TMTC2: variants seen among roughly 807,000 people sequenced by gnomAD.
TMTC2 encodes protein O-mannosyl-transferase TMTC2.
A neutral mutation model predicts 82.4 loss-of-function variants in TMTC2; 43 were observed. That is an observed-to-expected ratio of 0.52 (90% confidence interval 0.41 to 0.67). TMTC2 has a LOEUF of 0.67. Among genes scored for constraint, TMTC2 ranks in the 30% least tolerant of loss-of-function variants. The probability of loss-of-function intolerance (pLI) is 0.00; values close to 1 mark genes in which losing one functional copy is unlikely to be tolerated. For synonymous variants in TMTC2, 408 were observed against 381.9 expected, an observed-to-expected ratio of 1.07 and a Z score of -0.80; for missense variants, 919 against 1,012.4, an observed-to-expected ratio of 0.91 and a Z score of 1.25.
At chr12:83,107,921 G>A (rs1227266346) in intron 11 of TMTC2, among the ~76,000 whole-genome samples, 1 of 151,902 alleles carries the variant, frequency 6.6e-6, no homozygotes, top group Non-Finnish European at 1.5e-5. Context: ...GGTGGGAGGT[G>A]ACTGAATCAA....
chr12:82,988,450 T>C (rs1422984586), intron 8 of TMTC2, among the ~76,000 whole-genome samples: 1 of 152,078 alleles, frequency 6.6e-6, no homozygotes, highest in Non-Finnish European at 1.5e-5. Context: ...GTCTCTCCCC[T>C]TTGCCCACAA....
chr12:82,786,754 T>G (rs1878196381), intron 1 of TMTC2, among the ~76,000 whole-genome samples: 1 of 152,100 alleles, frequency 6.6e-6, no homozygotes, highest in African/African-American at 2.4e-5. Flanking sequence ...CCTTAGAGCT[T>G]TTAACAAGAG....
At chr12:82,891,403 G>C (rs375422424) in intron 2 of TMTC2, among the ~76,000 whole-genome samples, 1 of 152,114 alleles carries the variant, frequency 6.6e-6, no homozygotes, top group Non-Finnish European at 1.5e-5. Flanking sequence ...CCGCCTCCTG[G>C]GTTCAAGCGA....
chr12:83,061,521 T>A (rs1882739986), intron 10 of TMTC2, among the ~76,000 whole-genome samples: 1 of 151,772 alleles, frequency 6.6e-6, no homozygotes, highest in Non-Finnish European at 1.5e-5. Context: ...ACTTTTCTAA[T>A]TCCTAATATG....
chr12:82,716,586 TC>T (rs1206626142), intron 1 of TMTC2, among the ~76,000 whole-genome samples: 1 of 152,116 alleles, frequency 6.6e-6, no homozygotes, highest in African/African-American at 2.4e-5. Context: ...ATGGTCTCGA[TC>T]TCCTGACCTT....
chr12:82,729,504 A>T (rs910843237), intron 1 of TMTC2, among the ~76,000 whole-genome samples: 2 of 152,144 alleles, frequency 1.3e-5, no homozygotes, highest in Non-Finnish European at 2.9e-5. Context: ...GTATGTAGCT[A>T]ATCTAGTGGG....
At chr12:82,844,938 C>T (rs1221866383) in intron 1 of TMTC2, among the ~76,000 whole-genome samples, 1 of 150,668 alleles carries the variant, frequency 6.6e-6, no homozygotes, top group Non-Finnish European at 1.5e-5. Flanking sequence ...TATAGAAAAA[C>T]TGTAAGGGGC....
chr12:82,782,035 C>G (rs1877936981), intron 1 of TMTC2, among the ~76,000 whole-genome samples: 1 of 152,048 alleles, frequency 6.6e-6, no homozygotes, highest in South Asian at 2.1e-4. Context: ...AGAGAAAAGC[C>G]TCTTCACACT....
At chr12:82,819,211 C>G (rs1006341862) in intron 1 of TMTC2, among the ~76,000 whole-genome samples, 2 of 152,010 alleles carry the variant, frequency 1.3e-5, no homozygotes, top group Non-Finnish European at 1.5e-5. Flanking sequence ...ACTATTAGGA[C>G]ACAATTTCTG....
At chr12:82,698,816 C>T (rs1437604953) in intron 1 of TMTC2, among the ~76,000 whole-genome samples, 1 of 152,050 alleles carries the variant, frequency 6.6e-6, no homozygotes, top group Non-Finnish European at 1.5e-5. Context: ...CACTGTGATA[C>T]CTCGTCAATT....
In TMTC2 at chr12:82,856,327, T is replaced by A. The variant is rs184051040; in HGVS notation, c.84-683T>A. 6.2e-4 allele frequency among the ~76,000 whole-genome samples: 94 copies of A among 152,250 alleles called. 1 individual carries two copies. The highest frequency in any genetic ancestry group is 1.0e-4 in the Non-Finnish European group (7 of 68,016). On this transcript the variant is annotated intron_variant, in intron 1 of 11. Transcript: ENST00000321196. Reference sequence around the variant, plus strand: ...GCTAAGAAGTGGGAAAGGCTGAAGTTTATTAGAATGCAGTAGGAAGGGAAA... The same window carrying A: ...GCTAAGAAGTGGGAAAGGCTGAAGTATATTAGAATGCAGTAGGAAGGGAAA...
At chr12:82,835,539 A>T (rs1232320024) in intron 1 of TMTC2, among the ~76,000 whole-genome samples, 1 of 152,180 alleles carries the variant, frequency 6.6e-6, no homozygotes, top group Non-Finnish European at 1.5e-5. Context: ...TCAGTTGGTC[A>T]TTTAATTCTT....
chr12:82,893,877 A>G (rs1873524724), intron 2 of TMTC2, among the ~76,000 whole-genome samples: 1 of 152,218 alleles, frequency 6.6e-6, no homozygotes, highest in African/African-American at 2.4e-5. Flanking sequence ...TAAGAAGGAC[A>G]GGGTCACCAG....
chr12:83,007,136 G>A (rs777069325), intron 8 of TMTC2, among the ~76,000 whole-genome samples: 10 of 150,568 alleles, frequency 6.6e-5, no homozygotes, highest in South Asian at 6.3e-4. Context: ...AAAAAAATTC[G>A]AACTCTCAGT....
At chr12:82,721,853 G>A (rs1015570480) in intron 1 of TMTC2, among the ~76,000 whole-genome samples, 1 of 152,118 alleles carries the variant, frequency 6.6e-6, no homozygotes, top group Non-Finnish European at 1.5e-5. Context: ...GCCTCTTCAT[G>A]AGTACTATGT....
intron 1 of TMTC2, among the ~76,000 whole-genome samples, chr12:82,780,883 G>A (rs929826504): frequency 1.3e-5 from 2 of 151,866 alleles, no homozygotes; most frequent in Non-Finnish European, 1.5e-5. Flanking sequence ...GTGTGGTGTG[G>A]AAGAGGTTTT....
intron 11 of TMTC2, among the ~76,000 whole-genome samples, chr12:83,068,674 T>C (rs972876505): frequency 1.3e-5 from 2 of 152,198 alleles, no homozygotes; most frequent in African/African-American, 4.8e-5. Context: ...ACTGGTTTTT[T>C]CAGTTACAAA....
intron 1 of TMTC2, among the ~76,000 whole-genome samples, chr12:82,834,518 G>A (rs1869923895): frequency 6.6e-6 from 1 of 152,196 alleles, no homozygotes; most frequent in Non-Finnish European, 1.5e-5. Context: ...CTTACCTAAT[G>A]ATAGGCAATG....
At chr12:82,894,941 A>G (rs886586726) in intron 2 of TMTC2, among the ~76,000 whole-genome samples, 2 of 150,484 alleles carry the variant, frequency 1.3e-5, no homozygotes, top group Non-Finnish European at 2.9e-5. Flanking sequence ...CTGGGACTAC[A>G]GGTGCACACC....
Sources: allele counts gnomAD v4.1 joint callset (sites outside exome capture counted in the v4.1 genomes callset), GRCh38; gene constraint gnomAD v4.1.1; transcripts MANE v1.5; gene names NCBI Gene and HGNC (gene_info 2026-07-23, HGNC 2026-07-21).